The following TBC1D13 variants were observed in gnomAD, a reference collection of about 807,000 sequenced individuals.
TBC1D13 encodes the protein epididymis secretory sperm binding protein.
TBC1D13 carries 40 observed loss-of-function variants against 53.6 expected under a neutral mutation model. The observed-to-expected ratio is 0.75, with a 90% CI of 0.58 to 0.97. The LOEUF is 0.97. TBC1D13 is among the 50% of genes least tolerant of loss of function. The probability of loss-of-function intolerance (pLI) is 0.00; values close to 1 mark genes in which losing one functional copy is unlikely to be tolerated. For missense variants in TBC1D13, 377 were observed against 499.4 expected (o/e 0.75, Z 2.34); for synonymous variants, 182 against 197.7 (o/e 0.92, Z 0.67).
At position 128,808,016 on chromosome 9, in the gene TBC1D13, T is replaced by C; in HGVS notation, c.*137T>C. On this transcript the variant is annotated 3_prime_UTR_variant, in exon 12 of 12. Coordinates refer to ENST00000372648, the MANE Select transcript of TBC1D13 (RefSeq NM_018201.5). ...GGCCCGAGACCCAGGCCATGCCCAC[T>C]GGGGACACACTGTGCCGTGCTCCTT... 3.9e-6 allele frequency: 3 copies of C among 772,528 alleles called. No homozygotes were observed. Among genetic ancestry groups the C allele is most frequent in the Non-Finnish European group, 6.6e-6 (3 of 452,400 alleles). 47.9% of individuals were successfully genotyped at this position (772,528 alleles called of 1,614,324 possible).
chr9:128,799,933 A>G (rs1441041869), intron 7 of TBC1D13, among the ~76,000 whole-genome samples: 1 of 152,214 alleles, frequency 6.6e-6, no homozygotes, highest in Non-Finnish European at 1.5e-5. Context: ...AGGCAGGAGA[A>G]TGGCGTGAAC....
chr9:128,809,009 G>T lies in TBC1D13; in HGVS notation c.*1130G>T, dbSNP rs1219510910. The T allele has an allele frequency of 1.3e-5, 2 of 152,170 alleles. No individual in the cohort carries two copies. The highest frequency in any genetic ancestry group is 2.4e-5 in the African/African-American group (1 of 41,430). The allele number at this position is 152,170 out of a possible 1,614,324, so 9.4% of individuals were successfully genotyped here. On this transcript the variant is annotated 3_prime_UTR_variant, in exon 12 of 12. Coordinates refer to ENST00000372648, the MANE Select transcript of TBC1D13 (RefSeq NM_018201.5). ...CCCAGGGTCGGAACCCATTGCTTCA[G>T]AAGAGTTGTCATTCCCTCGGCTTCC...
rs1283141949 is a variant in TBC1D13, at chr9:128,809,983, G to C, written c.*2104G>C. On this transcript the variant is annotated 3_prime_UTR_variant, in exon 12 of 12. Coordinates refer to ENST00000372648, the MANE Select transcript of TBC1D13 (RefSeq NM_018201.5). ...AGCAGACACTGCCCAGGACTCTTTAGTGCACTCACTCTTGTCTGCCCCCTA... is the reference window on the plus strand; with the variant it reads ...AGCAGACACTGCCCAGGACTCTTTACTGCACTCACTCTTGTCTGCCCCCTA... 1 of 152,388 alleles carries C rather than the reference G, an allele frequency of 6.6e-6. No individual in the cohort carries two copies. The allele number at this position is 152,388 out of a possible 1,614,324, so 9.4% of individuals were successfully genotyped here. A position where few individuals can be genotyped will look rare whatever the true frequency, so the allele number is the denominator to read the frequency against.
chr9:128,805,037 A>G (rs76397242), intron 9 of TBC1D13, among the ~76,000 whole-genome samples: 3,666 of 152,212 alleles, frequency 0.024, 142 homozygotes, highest in African/African-American at 0.083. Context: ...CTGGCCAGGA[A>G]TAATGATATC....
chr9:128,787,922 C>T (rs1829459596), intron 1 of TBC1D13, among the ~76,000 whole-genome samples: 2 of 152,110 alleles, frequency 1.3e-5, no homozygotes, highest in South Asian at 2.1e-4. Flanking sequence ...GGTCCATTGT[C>T]TGCATATCAA....
At chr9:128,801,450 C>T (rs945179112) in intron 7 of TBC1D13, among the ~76,000 whole-genome samples, 4 of 152,074 alleles carry the variant, frequency 2.6e-5, no homozygotes, top group Middle Eastern at 3.4e-3. Context: ...GAGGCTGAGG[C>T]GGGCGGATCA....
chr9:128,805,532 A>G (rs1016309758), intron 9 of TBC1D13, among the ~76,000 whole-genome samples: 2 of 152,368 alleles, frequency 1.3e-5, no homozygotes, highest in South Asian at 4.1e-4. Flanking sequence ...GTCACTCAGC[A>G]CATCCACAAA....
At chr9:128,787,527 G>A (rs892121480) in intron 1 of TBC1D13, 151 bp downstream of exon 1, 3 of 809,662 alleles carry the variant, frequency 3.7e-6, no homozygotes, top group Admixed American at 8.6e-5. Context: ...CTCATTGCCT[G>A]TGGGCTGCAG....
At chr9:128,791,239 A>G in intron 3 of TBC1D13, 141 bp from the exon 4 acceptor site, 1 of 802,782 alleles carries the variant, frequency 1.2e-6, no homozygotes, top group Non-Finnish European at 2.1e-6. Flanking sequence ...CCCCTAGCTC[A>G]TGCTGGCATT....
At chr9:128,797,557 C>A (rs148588784) in intron 7 of TBC1D13, among the ~76,000 whole-genome samples, 5,721 of 152,194 alleles carry the variant, frequency 0.038, 113 homozygotes, top group Middle Eastern at 0.075. Flanking sequence ...AATCCCAGCG[C>A]TTTGGGAGGC....
intron 7 of TBC1D13, among the ~76,000 whole-genome samples, chr9:128,801,801 A>G (rs13290954): frequency 0.37 from 55,137 of 147,184 alleles, 13,596 homozygotes; most frequent in African/African-American, 0.71. Flanking sequence ...TCGCACTGTC[A>G]CCCAGGCTGG....
rs1444390166 is a variant in TBC1D13, at chr9:128,810,411, CAT to C, written c.*2533_*2534del. The C allele has an allele frequency of 2.0e-5, 3 of 152,368 alleles. No individual in the cohort carries two copies. The highest frequency in any genetic ancestry group is 1.9e-4 in the East Asian group (1 of 5,188). 9.4% of individuals were successfully genotyped at this position (152,368 alleles called of 1,614,324 possible). ...TGATGACGAGTTGTCTTGAATAAATCATGTGTTCTTTGCAATGGGCATTGGTG... is the reference window on the plus strand; with the variant it reads ...TGATGACGAGTTGTCTTGAATAAATCGTGTTCTTTGCAATGGGCATTGGTG... On this transcript the variant is annotated 3_prime_UTR_variant, in exon 12 of 12. Coordinates refer to ENST00000372648, the MANE Select transcript of TBC1D13 (RefSeq NM_018201.5).
chr9:128,787,288 CGGCGGCAGCGCA>C lies in TBC1D13; in HGVS notation c.-57_-46del, dbSNP rs1230781299. 17 of 1,251,258 alleles carry C rather than the reference CGGCGGCAGCGCA, an allele frequency of 1.4e-5. No individual in the cohort carries two copies. Among genetic ancestry groups the C allele is most frequent in the Non-Finnish European group, 9.1e-6 (9 of 991,064 alleles). The allele number at this position is 1,251,258 out of a possible 1,614,324, so 77.5% of individuals were successfully genotyped here. On this transcript the variant is annotated 5_prime_UTR_variant, in exon 1 of 12. Coordinates refer to ENST00000372648, the MANE Select transcript of TBC1D13 (RefSeq NM_018201.5). Reference sequence around the variant, plus strand: ...CCGCGTCCCTGGGGGGCGGCGGCGGCGGCGGCAGCGCAGGCGGCAGAGGCGCAGGCGGCGGAG... The same window carrying C: ...CCGCGTCCCTGGGGGGCGGCGGCGGCGGCGGCAGAGGCGCAGGCGGCGGAG...
chr9:128,803,004 G>C lies in TBC1D13; in HGVS notation c.544-246G>C, dbSNP rs548604241. ...CCTGCCTTGGCCTCCAAAAGTGCTG[G>C]GAATACAGGCATGAGCTATTGTGGC... On this transcript the variant is annotated intron_variant, in intron 7 of 11. Transcript: ENST00000372648. Among the ~76,000 whole-genome samples the C allele has an allele frequency of 1.9e-3, 292 of 152,208 alleles. 4 individuals are homozygous for C. Among genetic ancestry groups the C allele is most frequent in the African/African-American group, 6.3e-3 (260 of 41,524 alleles).
chr9:128,788,041 G>A (rs1829461757), intron 1 of TBC1D13, among the ~76,000 whole-genome samples: 1 of 152,218 alleles, frequency 6.6e-6, no homozygotes, highest in Non-Finnish European at 1.5e-5. Flanking sequence ...GTATTAGAAT[G>A]TTGGAATATG....
Position 128,804,120 on chromosome 9 carries a change from G to C in TBC1D13, c.918+1G>C. 6.2e-7 allele frequency: 1 copy of C among 1,613,742 alleles called. No homozygotes were observed. Among genetic ancestry groups the C allele is most frequent in the Non-Finnish European group, 8.5e-7 (1 of 1,179,930 alleles). ...GGATGTGGAGCTCTACCTGAAACTG[G>C]TGAGGACCCCAGGAACAGACGGGTG... On this transcript the variant is annotated splice_donor_variant, in intron 9 of 11. Coordinates refer to ENST00000372648, the MANE Select transcript of TBC1D13 (RefSeq NM_018201.5). LOFTEE classifies it high-confidence loss of function.
chr9:128,798,507 T>A (rs1482941718), intron 7 of TBC1D13, among the ~76,000 whole-genome samples: 1 of 152,140 alleles, frequency 6.6e-6, no homozygotes, highest in Non-Finnish European at 1.5e-5. Flanking sequence ...CTTTAGGCAC[T>A]GTGGAGATAC....
intron 7 of TBC1D13, among the ~76,000 whole-genome samples, chr9:128,801,420 C>G (rs1416335698): frequency 6.6e-6 from 1 of 152,060 alleles, no homozygotes; most frequent in African/African-American, 2.4e-5. Flanking sequence ...TGGCTCATGC[C>G]TGTAATCCCA....
intron 7 of TBC1D13, among the ~76,000 whole-genome samples, chr9:128,799,147 C>T (rs982333219): frequency 2.0e-5 from 3 of 152,208 alleles, no homozygotes; most frequent in African/African-American, 7.2e-5. Context: ...AACCAGGAGG[C>T]TGGCTTTGTG....
Sources: gnomAD v4.1 joint callset for allele counts (sites outside exome capture counted in the v4.1 genomes callset) on GRCh38, gnomAD v4.1.1 for gene constraint, MANE v1.5 for transcripts, NCBI Gene and HGNC (gene_info 2026-07-23, HGNC 2026-07-21) for gene names.